SAGE1: variants seen among roughly 807,000 people sequenced by gnomAD.
The protein encoded by SAGE1 is sarcoma antigen 1.
Under a neutral mutation model 55.4 loss-of-function variants are expected in SAGE1, and 55 were observed. The ratio of observed to expected loss-of-function variants is 0.99; its 90% CI spans 0.80 to 1.24. The LOEUF is 1.24. Among genes scored for constraint, SAGE1 ranks in the 50% most tolerant of loss-of-function variants. The pLI, the probability that SAGE1 is intolerant of heterozygous loss-of-function variation, is 0.00. For synonymous variants in SAGE1, 240 were observed against 244.3 expected (o/e 0.98, Z 0.17); for missense variants, 710 against 704.4 (o/e 1.01, Z -0.09).
intron 2 of SAGE1, among the ~76,000 whole-genome samples, chrX:135,899,256 T>A (rs1556595236): frequency 8.9e-6 from 1 of 112,045 alleles, no homozygotes; most frequent in Non-Finnish European, 1.9e-5. Context: ...GGGAATCCTG[T>A]CCCCATTGCT....
At chrX:135,909,904 G>A (rs1425510883) in intron 14 of SAGE1, 125 bp downstream of exon 14, 4 of 968,483 alleles carry the variant, frequency 4.1e-6, no homozygotes, top group Admixed American at 2.8e-5. Flanking sequence ...TTCTCAGATC[G>A]CCATCTGGCA....
chrX:135,906,827 A>C, intron 7 of SAGE1, 99 bp from the exon 8 acceptor site: 1 of 1,021,747 alleles, frequency 9.8e-7, no homozygotes, highest in Non-Finnish European at 1.3e-6. Flanking sequence ...CCTCCTGTTT[A>C]TGAGATAATT....
chrX:135,908,998 G>A lies in SAGE1; in HGVS notation c.1576G>A (p.Asp526Asn). ...AGGIPSMSTK[D>N]LYATVTQNVH... is the part of the protein sequence containing the mutation. ...TGGTATTCCATCCATGAGTACCAAG[G>A]ATCTGTGTATGTCTGTTAATTAGTT... The change falls in exon 13 of 20, where the codon GAT becomes AAT. Residue 526 changes from aspartate to asparagine, a missense_variant. Transcript: ENST00000370709. The A allele has an allele frequency of 8.3e-7, 1 of 1,206,812 alleles. No individual in the cohort carries two copies. Among genetic ancestry groups the A allele is most frequent in the Non-Finnish European group, 1.1e-6 (1 of 891,768 alleles).
At position 135,905,328 on chromosome X, in the gene SAGE1, T is replaced by G; in HGVS notation, c.390T>G (p.Thr130=). The G allele has an allele frequency of 8.3e-7, 1 of 1,209,499 alleles. No individual in the cohort carries two copies. Among genetic ancestry groups the G allele is most frequent in the East Asian group, 3.0e-5 (1 of 33,820 alleles). ...CTCGAACTGACAAAGTCTTGTCAACTGCTCCACCACAGCTTGTTCATATGG... is the reference window on the plus strand; with the variant it reads ...CTCGAACTGACAAAGTCTTGTCAACGGCTCCACCACAGCTTGTTCATATGG... ...GQSRTDKVLS[T]APPQLVHMAA... is the part of the protein sequence containing the mutation. Residue 130 remains threonine (T), a synonymous_variant, in exon 5 of 20, where the codon ACT becomes ACG. Transcript: ENST00000370709.
intron 1 of SAGE1, 132 bp from the exon 2 acceptor site, chrX:135,896,111 T>G (rs1300291246): frequency 2.2e-6 from 1 of 460,288 alleles, no homozygotes; most frequent in Non-Finnish European, 3.9e-6. Flanking sequence ...GCTAAGACAA[T>G]CTGTGATCAT....
intron 2 of SAGE1, among the ~76,000 whole-genome samples, chrX:135,898,710 T>A (rs1408347950): frequency 8.9e-6 from 1 of 112,256 alleles, no homozygotes; most frequent in Non-Finnish European, 1.9e-5. Context: ...TGTTATCTCA[T>A]TGTGGTTTCG....
At chrX:135,900,753 G>A (rs1201854927) in intron 2 of SAGE1, among the ~76,000 whole-genome samples, 6 of 51,330 alleles carry the variant, frequency 1.2e-4, no homozygotes, top group African/African-American at 5.0e-4. Context: ...CATAAGGTTG[G>A]AGGTGGGAAA....
Position 135,910,396 on chromosome X carries a change from C to A in SAGE1, c.1865-19C>A. 8.3e-7 allele frequency: 1 copy of A among 1,207,111 alleles called. No individual in the cohort carries two copies. Among genetic ancestry groups the A allele is most frequent in the Non-Finnish European group, 1.1e-6 (1 of 892,481 alleles). The stretch of plus-strand genomic sequence containing the variant: ...CATAATGCACTTACCTCACGCCCAA[C>A]CTCTTCTTTTGTTTCCAGATGCTGC... On this transcript the variant is annotated intron_variant, in intron 15 of 19. Transcript: ENST00000370709.
At chrX:135,902,793 C>T (rs181607519) in intron 3 of SAGE1, among the ~76,000 whole-genome samples, 7 of 111,961 alleles carry the variant, frequency 6.3e-5, no homozygotes, top group African/African-American at 2.3e-4. Flanking sequence ...GCAAGTCCAG[C>T]AGTAGATGCC....
Position 135,910,140 on chromosome X carries a change from G to A in SAGE1, c.1834G>A (p.Gly612Ser), listed in dbSNP as rs369551587. 8.8e-5 allele frequency: 106 copies of A among 1,206,719 alleles called. No individual in the cohort carries two copies. Among genetic ancestry groups the A allele is most frequent in the Non-Finnish European group, 1.2e-4 (103 of 892,633 alleles). The change falls in exon 15 of 20, where the codon GGT becomes AGT. Residue 612 changes from glycine to serine, a missense_variant. Coordinates refer to ENST00000370709, the MANE Select transcript of SAGE1 (RefSeq NM_001381902.1). ...AGCATTTATTAATATGGCAGCAACT[G>A]GTGTTTCATCCATGAGTACCAGGGA... ...PPAFINMAATGVSSMSTRDQY... is the reference protein window; with the variant it reads ...PPAFINMAATSVSSMSTRDQY...
chrX:135,906,171 C>T lies in SAGE1; in HGVS notation c.595+7C>T. The T allele has an allele frequency of 8.7e-7, 1 of 1,152,642 alleles. No individual in the cohort carries two copies. The highest frequency in any genetic ancestry group is 3.1e-5 in the East Asian group (1 of 32,654). The allele number at this position is 1,152,642 out of a possible 1,213,427, so 95.0% of individuals were successfully genotyped here. A position where few individuals can be genotyped will look rare whatever the true frequency, so the allele number is the denominator to read the frequency against. On this transcript the variant is annotated splice_region_variant and intron_variant, in intron 6 of 19. Coordinates refer to ENST00000370709, the MANE Select transcript of SAGE1 (RefSeq NM_001381902.1). ...ATGAGTGCCAGAGATCTCTGTATGT[C>T]CACTTATAAATTGTGCTGTCTTACT...
Position 135,907,382 on chromosome X carries a change from TG to T in SAGE1, c.948del (p.Leu316PhefsTer7). On this transcript the variant is annotated frameshift_variant, in exon 9 of 20. Coordinates refer to ENST00000370709, the MANE Select transcript of SAGE1 (RefSeq NM_001381902.1). LOFTEE classifies it high-confidence loss of function. ...ENDQPQPNNV[L>X]STVQPVIIYL... ...GACCAACCGCAACCTAATAACGTAT[TG>T]TCAACTGTTCAACCAGTGATTATTT... 17 of 1,206,540 alleles carry T rather than the reference TG, an allele frequency of 1.4e-5. No homozygotes were observed. Among genetic ancestry groups the T allele is most frequent in the Non-Finnish European group, 1.9e-5 (17 of 891,040 alleles).
intron 2 of SAGE1, among the ~76,000 whole-genome samples, chrX:135,901,187 T>C (rs1332054304): frequency 1.9e-5 from 2 of 107,202 alleles, no homozygotes; most frequent in African/African-American, 6.8e-5. Flanking sequence ...AAAAAAGGTA[T>C]TTCTTTTTTT....
At chrX:135,894,555 C>G (rs1175908813) in intron 1 of SAGE1, among the ~76,000 whole-genome samples, 1 of 110,960 alleles carries the variant, frequency 9.0e-6, no homozygotes, top group Non-Finnish European at 1.9e-5. Flanking sequence ...TTTTCTTGGT[C>G]AGTCAAGCTA....
rs781858735 is a variant in SAGE1 at position 135,912,799 on chromosome X, T to C, written c.2617T>C (p.Phe873Leu). The change falls in exon 20 of 20, where the codon TTT (phenylalanine) becomes CTT (leucine). Residue 873 changes from phenylalanine (F) to leucine (L), a missense_variant and splice_region_variant. Phe to Leu is a conservative substitution (Grantham distance 22, BLOSUM62 0). Transcript: ENST00000370709. ...VEFTIKEAAR[F>L]KKVVLIQQLE... ...AATGGAATACCTCTTTAATTTCAGGTTTAAAAAAGTTGTCTTAATTCAGCA... is the reference window on the plus strand; with the variant it reads ...AATGGAATACCTCTTTAATTTCAGGCTTAAAAAAGTTGTCTTAATTCAGCA... 5 of 1,208,435 alleles carry C rather than the reference T, an allele frequency of 4.1e-6. No individual in the cohort carries two copies. The highest frequency in any genetic ancestry group is 1.8e-5 in the South Asian group (1 of 56,481).
intron 2 of SAGE1, among the ~76,000 whole-genome samples, chrX:135,898,648 G>C (rs1556595042): frequency 8.9e-6 from 1 of 111,867 alleles, no homozygotes; most frequent in East Asian, 2.8e-4. Context: ...AGCCTTGCCA[G>C]CATCTGTAGT....
intron 16 of SAGE1, 45 bp from the exon 17 acceptor site, chrX:135,911,141 GTTGTCA>G: frequency 8.5e-7 from 1 of 1,176,715 alleles, no homozygotes. Flanking sequence ...TCCCTGTGGG[GTTGTCA>G]TTATGCACTT....
chrX:135,900,950 T>G (rs1420675483), intron 2 of SAGE1, among the ~76,000 whole-genome samples: 1 of 109,596 alleles, frequency 9.1e-6, no homozygotes, highest in Non-Finnish European at 1.9e-5. Flanking sequence ...ATCAAGACCA[T>G]CCTGGCTAAC....
chrX:135,901,938 C>T (rs1455914074), intron 3 of SAGE1, among the ~76,000 whole-genome samples: 1 of 111,801 alleles, frequency 8.9e-6, no homozygotes, highest in Non-Finnish European at 1.9e-5. Context: ...CGCTCTAACC[C>T]AGTGTGGTCT....
Sources: allele counts gnomAD v4.1 joint callset (sites outside exome capture counted in the v4.1 genomes callset), GRCh38; gene constraint gnomAD v4.1.1; transcripts MANE v1.5; gene names NCBI Gene and HGNC (gene_info 2026-07-23, HGNC 2026-07-21).